The following RFC3 variants were observed in gnomAD, a reference collection of about 807,000 sequenced individuals.
RFC3 encodes A1 38 kDa subunit.
RFC3 carries 41 observed loss-of-function variants against 45.1 expected under a neutral mutation model. The observed-to-expected ratio is 0.91, with a 90% CI of 0.71 to 1.18. The LOEUF (loss-of-function observed/expected upper bound fraction) is 1.18, where lower values mean the gene tolerates loss of function less well. Ranked by LOEUF, RFC3 falls within the 50% of genes most tolerant of loss-of-function variation. RFC3 has a pLI of 0.00. For synonymous variants in RFC3, 149 were observed against 144.0 expected, an observed-to-expected ratio of 1.03 and a Z score of -0.25; for missense variants, 423 against 428.1, an observed-to-expected ratio of 0.99 and a Z score of 0.10.
At chr13:33,951,666 A>G (rs2137833736) in intron 8 of RFC3, among the ~76,000 whole-genome samples, 1 of 152,326 alleles carries the variant, frequency 6.6e-6, no homozygotes, top group East Asian at 1.9e-4. Context: ...GGAATAAAGG[A>G]AAGGTTTAGA....
intron 7 of RFC3, 64 bp downstream of exon 7, chr13:33,831,418 C>A (rs1300077101): frequency 6.2e-6 from 5 of 804,078 alleles, no homozygotes; most frequent in African/African-American, 5.2e-5. Context: ...CACATATTAA[C>A]TATTTTATGC....
At chr13:33,967,540 T>G (rs1294115071), downstream of RFC3, among the ~76,000 whole-genome samples, 2 of 139,818 alleles carry the variant, frequency 1.4e-5, no homozygotes, top group African/African-American at 2.7e-5. Flanking sequence ...CAGGCTGGAG[T>G]GCAGTGGTGC....
intron 8 of RFC3, among the ~76,000 whole-genome samples, chr13:33,931,195 T>A (rs768666855): frequency 7.2e-5 from 11 of 152,140 alleles, no homozygotes; most frequent in Non-Finnish European, 1.2e-4. Context: ...CAAGAGCTGA[T>A]GTTACATGCT....
intron 8 of RFC3, among the ~76,000 whole-genome samples, chr13:33,917,659 T>C (rs758485638): frequency 9.9e-5 from 15 of 152,128 alleles, no homozygotes; most frequent in Non-Finnish European, 2.2e-4. Context: ...TTGTTTTATG[T>C]AAGTTGACCT....
chr13:33,907,269 A>G (rs187180896), intron 8 of RFC3, among the ~76,000 whole-genome samples: 72 of 152,226 alleles, frequency 4.7e-4, no homozygotes, highest in African/African-American at 1.6e-3. Flanking sequence ...ATGGAAGACT[A>G]TTTAGAAGTG....
intron 7 of RFC3, among the ~76,000 whole-genome samples, chr13:33,833,739 T>A (rs2082124836): frequency 6.6e-6 from 1 of 152,184 alleles, no homozygotes; most frequent in Admixed American, 6.5e-5. Context: ...TTATTCATGC[T>A]TTAATAATCA....
intron 8 of RFC3, among the ~76,000 whole-genome samples, chr13:33,872,791 A>ACCCC (rs1240756847): frequency 4.5e-4 from 13 of 29,126 alleles, no homozygotes; most frequent in African/African-American, 1.2e-3. Context: ...AAAGAAACCA[A>ACCCC]ACCCCCCCCC....
At chr13:33,925,690 T>TACAC (rs139123720) in intron 8 of RFC3, among the ~76,000 whole-genome samples, 20,200 of 148,562 alleles carry the variant, frequency 0.14, 1,845 homozygotes, top group African/African-American at 0.22. Context: ...TATGTATATA[T>TACAC]ACACACACAC....
intron 8 of RFC3, chr13:33,850,150 C>G (rs2082267072): frequency 6.6e-6 from 1 of 152,076 alleles, no homozygotes; most frequent in Admixed American, 6.6e-5. Context: ...TGTGGAGTGG[C>G]TATCTTTTTT....
intron 8 of RFC3, among the ~76,000 whole-genome samples, chr13:33,939,573 G>T (rs1343100530): frequency 6.6e-6 from 1 of 152,280 alleles, no homozygotes; most frequent in East Asian, 1.9e-4. Context: ...AAGTTTAAAA[G>T]TGTAAATAAG....
At chr13:33,976,717 G>C in the RFC3 span, among the ~76,000 whole-genome samples, 1 of 152,006 alleles carries the variant, frequency 6.6e-6, no homozygotes, top group African/African-American at 2.4e-5. Flanking sequence ...AATAAGGTTA[G>C]AAAAATAAAA....
chr13:33,901,397 A>G (rs1292736358), intron 8 of RFC3, among the ~76,000 whole-genome samples: 2 of 152,112 alleles, frequency 1.3e-5, no homozygotes, highest in Non-Finnish European at 2.9e-5. Flanking sequence ...CAACATGGAT[A>G]GAACTGGAGG....
intron 7 of RFC3, among the ~76,000 whole-genome samples, chr13:33,834,391 C>CTT (rs796351523): frequency 1.6e-5 from 2 of 128,672 alleles, no homozygotes; most frequent in Admixed American, 8.0e-5. Flanking sequence ...AACTTTCTCT[C>CTT]TTTTTTTTTT....
At chr13:33,964,701 T>C (rs573760218) in intron 8 of RFC3, among the ~76,000 whole-genome samples, 3 of 152,216 alleles carry the variant, frequency 2.0e-5, no homozygotes, top group Non-Finnish European at 4.4e-5. Context: ...TATGATGTTC[T>C]GGGTAAGGGC....
downstream of RFC3, among the ~76,000 whole-genome samples, chr13:33,971,337 G>A (rs923990015): frequency 6.6e-6 from 1 of 152,102 alleles, no homozygotes; most frequent in Non-Finnish European, 1.5e-5. Flanking sequence ...TGTTCTGTTT[G>A]TTTTACAAAT....
chr13:33,961,524 T>C (rs540899502), intron 8 of RFC3, among the ~76,000 whole-genome samples: 1 of 152,308 alleles, frequency 6.6e-6, no homozygotes, highest in East Asian at 1.9e-4. Context: ...CTGTTCAATA[T>C]TGTTGTTTGA....
chr13:33,845,728 CTCTG>C (rs1474627222), intron 8 of RFC3, among the ~76,000 whole-genome samples: 1 of 152,150 alleles, frequency 6.6e-6, no homozygotes, highest in Non-Finnish European at 1.5e-5. Flanking sequence ...GTTTGGAATT[CTCTG>C]TCTGAAAGGT....
chr13:33,921,170 CTG>C (rs2082766403), intron 8 of RFC3, among the ~76,000 whole-genome samples: 2 of 152,154 alleles, frequency 1.3e-5, no homozygotes, highest in Non-Finnish European at 2.9e-5. Flanking sequence ...GCTAGACTAA[CTG>C]TTGGGAATTC....
At chr13:33,938,811 G>A (rs767914260) in intron 8 of RFC3, among the ~76,000 whole-genome samples, 4 of 152,096 alleles carry the variant, frequency 2.6e-5, no homozygotes, top group South Asian at 2.1e-4. Flanking sequence ...GGGGATGCAT[G>A]TGTTCAACTC....
Sources: allele counts gnomAD v4.1 joint callset (sites outside exome capture counted in the v4.1 genomes callset), GRCh38; gene constraint gnomAD v4.1.1; transcripts MANE v1.5; gene names NCBI Gene and HGNC (gene_info 2026-07-23, HGNC 2026-07-21).